The following DTX3L variants were observed in gnomAD, a reference collection of about 807,000 sequenced individuals.
The protein encoded by DTX3L is deltex E3 ubiquitin ligase 3L.
A neutral mutation model predicts 60.9 loss-of-function variants in DTX3L; 34 were observed. The ratio of observed to expected loss-of-function variants is 0.56; its 90% CI spans 0.42 to 0.74. The LOEUF (loss-of-function observed/expected upper bound fraction) is 0.74. Among genes scored for constraint, DTX3L ranks in the 30% least tolerant of loss-of-function variants. The probability of loss-of-function intolerance (pLI) is 0.00; values close to 1 mark genes in which losing one functional copy is unlikely to be tolerated. For synonymous variants in DTX3L, 290 were observed against 316.6 expected (o/e 0.92, Z 0.89); for missense variants, 810 against 874.0 (o/e 0.93, Z 0.92).
rs2080668234 is a variant in DTX3L at position 122,574,321 on chromosome 3, T to C, written c.*2574T>C. 6.6e-6 allele frequency: 1 copy of C among 152,200 alleles called. No individual in the cohort carries two copies. The highest frequency in any genetic ancestry group is 6.5e-5 in the Admixed American group (1 of 15,270). 9.4% of individuals were successfully genotyped at this position (152,200 alleles called of 1,614,324 possible). ...GGACAGAAAAAAGGTGAAATAAGCCTACTATAAGGAATATATGACATGCTA... is the reference window on the plus strand; with the variant it reads ...GGACAGAAAAAAGGTGAAATAAGCCCACTATAAGGAATATATGACATGCTA... On this transcript the variant is annotated 3_prime_UTR_variant, in exon 5 of 5. Transcript: ENST00000296161.
chr3:122,568,734 G>A lies in DTX3L; in HGVS notation c.645G>A (p.Glu215=), dbSNP rs537350887. The change falls in exon 3 of 5, where the codon GAG becomes GAA. Residue 215 remains glutamate, a synonymous_variant. Coordinates refer to ENST00000296161, the MANE Select transcript of DTX3L (RefSeq NM_138287.3). Reference sequence around the variant, plus strand: ...AGAGGAAGCCACTCAGTCAGCAGGAGAGGGACAGCTGCATTTCTCCTTCTG... The same window carrying A: ...AGAGGAAGCCACTCAGTCAGCAGGAAAGGGACAGCTGCATTTCTCCTTCTG... ...MTERKPLSQQ[E]RDSCISPSEP... The A allele has an allele frequency of 4.3e-6, 7 of 1,614,082 alleles. No individual in the cohort carries two copies. Among genetic ancestry groups the A allele is most frequent in the Non-Finnish European group, 5.9e-6 (7 of 1,180,052 alleles).
chr3:122,571,873 G>A lies in DTX3L; in HGVS notation c.*126G>A. On this transcript the variant is annotated 3_prime_UTR_variant, in exon 5 of 5. Coordinates refer to ENST00000296161, the MANE Select transcript of DTX3L (RefSeq NM_138287.3). ...AATTTTTCTTCTCAAGAAATGGTTT[G>A]TATAAGAATAACAATCTGCTAGTCT... 1 of 753,376 alleles carries A rather than the reference G, an allele frequency of 1.3e-6. No individual in the cohort carries two copies. The highest frequency in any genetic ancestry group is 2.8e-5 in the East Asian group (1 of 35,596). The allele number at this position is 753,376 out of a possible 1,614,324, so 46.7% of individuals were successfully genotyped here.
chr3:122,568,796 T>C lies in DTX3L; in HGVS notation c.707T>C (p.Phe236Ser). The change falls in exon 3 of 5, where the codon TTT becomes TCT. Residue 236 changes from phenylalanine (F) to serine (S), a missense_variant. By Grantham distance (155) the Phe-to-Ser change is radical. Transcript: ENST00000296161. ...ETKAEQKSNY[F>S]EVPLPYFEYF... ...AAGGCAGAACAAAAAAGCAACTATT[T>C]TGAAGTTCCCTTGCCTTACTTTGAA... 1 of 1,614,036 alleles carries C rather than the reference T, an allele frequency of 6.2e-7. No individual in the cohort carries two copies. Among genetic ancestry groups the C allele is most frequent in the Non-Finnish European group, 8.5e-7 (1 of 1,180,018 alleles).
chr3:122,571,164 C>T (rs1347977354), intron 4 of DTX3L, among the ~76,000 whole-genome samples: 1 of 152,122 alleles, frequency 6.6e-6, no homozygotes, highest in Non-Finnish European at 1.5e-5. Context: ...AAATAGGATT[C>T]CTCAGACCCT....
In DTX3L at chr3:122,568,975, A is replaced by G; in HGVS notation, c.886A>G (p.Ser296Gly). Residue 296 changes from serine (S) to glycine (G), a missense_variant, in exon 3 of 5, where the codon AGT becomes GGT. Physicochemically the swap from Ser to Gly is moderately conservative, Grantham distance 56. Transcript: ENST00000296161. ...GGAAGCAGCTCGTGAGTCTTTTGCT[A>G]GTGAATTTCAGAAGAACACAGAACC... ...DLEAARESFASEFQKNTEPLK... is the reference protein window; with the variant it reads ...DLEAARESFAGEFQKNTEPLK... 1 of 1,614,166 alleles carries G rather than the reference A, an allele frequency of 6.2e-7. No homozygotes were observed. The highest frequency in any genetic ancestry group is 8.5e-7 in the Non-Finnish European group (1 of 1,180,028).
chr3:122,569,116 C>G lies in DTX3L; in HGVS notation c.1027C>G (p.Leu343Val), dbSNP rs371820944. 107 of 1,614,076 alleles carry G rather than the reference C, an allele frequency of 6.6e-5. No homozygotes were observed. The highest frequency in any genetic ancestry group is 7.5e-5 in the Non-Finnish European group (88 of 1,180,046). Reference sequence around the variant, plus strand: ...AAAGGAGAAAGGAGGCGAATTAACTCTCCTTGGGACCCAAGATGACATTTC... The same window carrying G: ...AAAGGAGAAAGGAGGCGAATTAACTGTCCTTGGGACCCAAGATGACATTTC... ...LIKEKGGELT[L>V]LGTQDDISAA... The change falls in exon 3 of 5, where the codon CTC (leucine) becomes GTC (valine). Residue 343 changes from leucine to valine, a missense_variant. Physicochemically the swap from Leu to Val is conservative, Grantham distance 32. Coordinates refer to ENST00000296161, the MANE Select transcript of DTX3L (RefSeq NM_138287.3).
In DTX3L at chr3:122,572,244, C is replaced by T. The variant is rs560805571; in HGVS notation, c.*497C>T. 33 of 152,988 alleles carry T rather than the reference C, an allele frequency of 2.2e-4. No homozygotes were observed. In the East Asian group the frequency reaches 4.6e-3, roughly 21 times the overall value. The allele number at this position is 152,988 out of a possible 1,614,324, so 9.5% of individuals were successfully genotyped here. ...TGATACTTTTTATGGAAGACAAAAG[C>T]CCCCCAAATCTGTGTAAAATCTGCT... On this transcript the variant is annotated 3_prime_UTR_variant, in exon 5 of 5. Coordinates refer to ENST00000296161, the MANE Select transcript of DTX3L (RefSeq NM_138287.3).
intron 1 of DTX3L, among the ~76,000 whole-genome samples, chr3:122,565,558 A>C (rs925345432): frequency 3.1e-5 from 4 of 128,224 alleles, no homozygotes; most frequent in East Asian, 5.2e-4. Context: ...GGAGGGAGGG[A>C]GGGAAAGAAG....
At position 122,568,964 on chromosome 3, in the gene DTX3L, A is replaced by G; in HGVS notation, c.875A>G (p.Glu292Gly). 1.2e-6 allele frequency: 2 copies of G among 1,614,150 alleles called. No homozygotes were observed. The highest frequency in any genetic ancestry group is 1.7e-6 in the Non-Finnish European group (2 of 1,180,044). ...TCAGGTGACCTGGAAGCAGCTCGTG[A>G]GTCTTTTGCTAGTGAATTTCAGAAG... Reference protein sequence around the residue: ...SRSGDLEAARESFASEFQKNT... With the variant: ...SRSGDLEAARGSFASEFQKNT... The change falls in exon 3 of 5, where the codon GAG becomes GGG. Residue 292 changes from glutamate (E) to glycine (G), a missense_variant. Transcript: ENST00000296161.
chr3:122,564,480 C>A lies in DTX3L; in HGVS notation c.54C>A (p.Ser18=), dbSNP rs757847684. 3.1e-6 allele frequency: 5 copies of A among 1,612,852 alleles called. No homozygotes were observed. In the South Asian group the frequency reaches 5.5e-5, roughly 18 times the overall value. The change falls in exon 1 of 5, where the codon TCC becomes TCA. Residue 18 remains serine (S), a synonymous_variant. Coordinates refer to ENST00000296161, the MANE Select transcript of DTX3L (RefSeq NM_138287.3). ...CGCTCCTCGTGCGGGTGTACAAGTC[C>A]GGCCCCCGAGTACGAAGGAAGCTGG... The part of the protein sequence containing the change: ...PSPLLVRVYK[S]GPRVRRKLES...
In DTX3L at chr3:122,572,302, GGGTTAGA is replaced by G. The variant is rs1559905920; in HGVS notation, c.*559_*565del. On this transcript the variant is annotated 3_prime_UTR_variant, in exon 5 of 5. Coordinates refer to ENST00000296161, the MANE Select transcript of DTX3L (RefSeq NM_138287.3). ...TGTCATCCCTCTTGTGTCATCACTG[GGGTTAGA>G]GGTGGGTCCGAAATAATCTTCTGTG... 6.6e-6 allele frequency: 1 copy of G among 152,236 alleles called. No homozygotes were observed. The highest frequency in any genetic ancestry group is 1.5e-5 in the Non-Finnish European group (1 of 68,104). The allele number at this position is 152,236 out of a possible 1,614,324, so 9.4% of individuals were successfully genotyped here. A position where few individuals can be genotyped will look rare whatever the true frequency, so the allele number is the denominator to read the frequency against.
At chr3:122,571,654 C>G in intron 4 of DTX3L, 24 bp from the exon 5 acceptor site, 4 of 1,596,936 alleles carry the variant, frequency 2.5e-6, no homozygotes, top group Non-Finnish European at 3.4e-6. Flanking sequence ...TGTGGTGACA[C>G]TAAAGGAATT....
In DTX3L at chr3:122,572,443, G is replaced by C. The variant is rs1201563951; in HGVS notation, c.*696G>C. 1 of 152,130 alleles carries C rather than the reference G, an allele frequency of 6.6e-6. No homozygotes were observed. Among genetic ancestry groups the C allele is most frequent in the African/African-American group, 2.4e-5 (1 of 41,426 alleles). 9.4% of individuals were successfully genotyped at this position (152,130 alleles called of 1,614,324 possible). ...CCCCTTCATCTCTACCTGTGAAAGT[G>C]AAATTCTATTGTAAATGGGAGGAAA... On this transcript the variant is annotated 3_prime_UTR_variant, in exon 5 of 5. Coordinates refer to ENST00000296161, the MANE Select transcript of DTX3L (RefSeq NM_138287.3).
rs1044218867 is a variant in DTX3L, at chr3:122,574,715, C to A, written c.*2968C>A. ...GTAGTCTGCCCCCATAGCTCTGCCC[C>A]CCAGAGCTGTACTGTCTCCCATGAG... On this transcript the variant is annotated 3_prime_UTR_variant, in exon 5 of 5. Transcript: ENST00000296161. 6.6e-6 allele frequency: 1 copy of A among 152,254 alleles called. No homozygotes were observed. Among genetic ancestry groups the A allele is most frequent in the Admixed American group, 6.5e-5 (1 of 15,286 alleles). 9.4% of individuals were successfully genotyped at this position (152,254 alleles called of 1,614,324 possible).
chr3:122,568,499 C>T lies in DTX3L; in HGVS notation c.410C>T (p.Thr137Ile). ...VDSCLQKIFL[T>I]VTADLNCNLF... ...CTTTTAAAATTTCAGATCTTTCTTA[C>T]TGTAACAGCTGACCTGAACTGTAAC... The change falls in exon 3 of 5, where the codon ACT becomes ATT. Residue 137 changes from threonine (T) to isoleucine (I), a missense_variant. Coordinates refer to ENST00000296161, the MANE Select transcript of DTX3L (RefSeq NM_138287.3). 1 of 1,595,028 alleles carries T rather than the reference C, an allele frequency of 6.3e-7. No homozygotes were observed. Among genetic ancestry groups the T allele is most frequent in the South Asian group, 1.1e-5 (1 of 87,690 alleles).
rs769094713 is a variant in DTX3L at position 122,574,001 on chromosome 3, C to CT, written c.*2270dup. On this transcript the variant is annotated 3_prime_UTR_variant, in exon 5 of 5. Transcript: ENST00000296161. ...CACAGAAGTGCACCACCATGCCTGG[C>CT]TTTTTTTTTTTTTTTTGGTCGAGAT... 1,646 of 133,128 alleles carry CT rather than the reference C, an allele frequency of 0.012. 21 individuals are homozygous for CT. Among genetic ancestry groups the CT allele is most frequent in the African/African-American group, 0.031 (1,115 of 36,146 alleles). 8.2% of individuals were successfully genotyped at this position (133,128 alleles called of 1,614,324 possible).
chr3:122,568,249 C>G (rs1301975191), intron 2 of DTX3L, among the ~76,000 whole-genome samples: 1 of 152,056 alleles, frequency 6.6e-6, no homozygotes, highest in African/African-American at 2.4e-5. Context: ...GCGGAGGTTG[C>G]AGTGAGCTGA....
chr3:122,570,014 G>A lies in DTX3L; in HGVS notation c.1925G>A (p.Gly642Asp). Residue 642 changes from glycine (G) to aspartate (D), a missense_variant, in exon 3 of 5, where the codon GGC becomes GAC. By Grantham distance (94) the Gly-to-Asp change is moderately conservative (BLOSUM62 -1). Transcript: ENST00000296161. ...TIVITYSMKA[G>D]IQTEEHPNPG... Reference sequence around the variant, plus strand: ...GTGATTACTTATTCTATGAAAGCAGGCATACAAACAGTAAGTATTTCTCAA... The same window carrying A: ...GTGATTACTTATTCTATGAAAGCAGACATACAAACAGTAAGTATTTCTCAA... The A allele has an allele frequency of 6.2e-7, 1 of 1,613,744 alleles. No individual in the cohort carries two copies. Among genetic ancestry groups the A allele is most frequent in the Non-Finnish European group, 8.5e-7 (1 of 1,180,028 alleles).
Position 122,570,683 on chromosome 3 carries a change from T to C in DTX3L, c.2153+11T>C. The C allele has an allele frequency of 6.2e-7, 1 of 1,613,828 alleles. No individual in the cohort carries two copies. The highest frequency in any genetic ancestry group is 8.5e-7 in the Non-Finnish European group (1 of 1,179,772). ...TGGAGGACCAGAAATGTGAGATCCT[T>C]TTGGGATGTAATGGCTGCTCAACAG... On this transcript the variant is annotated intron_variant, in intron 4 of 4. Transcript: ENST00000296161.
Sources: allele counts gnomAD v4.1 joint callset (sites outside exome capture counted in the v4.1 genomes callset), GRCh38; gene constraint gnomAD v4.1.1; transcripts MANE v1.5; gene names NCBI Gene and HGNC (gene_info 2026-07-23, HGNC 2026-07-21).